Variants in DCAF17 observed in about 807,000 individuals in gnomAD.
DCAF17 encodes DDB1- and CUL4-associated factor 17.
In DCAF17, 48 loss-of-function variants were observed where a neutral mutation model predicts 66.0. The observed-to-expected ratio is 0.73, with a 90% confidence interval of 0.58 to 0.92. The LOEUF is 0.92. Among genes scored for constraint, DCAF17 ranks in the 40% least tolerant of loss-of-function variants. The pLI, the probability that DCAF17 is intolerant of heterozygous loss-of-function variation, is 0.00. For missense variants in DCAF17, 562 were observed against 622.8 expected (o/e 0.90, Z 1.04); for synonymous variants, 206 against 214.6 (o/e 0.96, Z 0.35).
At chr2:171,459,452 A>G (rs1695452081) in intron 8 of DCAF17, among the ~76,000 whole-genome samples, 1 of 152,262 alleles carries the variant, frequency 6.6e-6, no homozygotes, top group African/African-American at 2.4e-5. Context: ...TAAAGATCAC[A>G]TGAGTAAACT....
At position 171,473,947 on chromosome 2, in the gene DCAF17, A is replaced by C; in HGVS notation, c.1063A>C (p.Ile355Leu). 2 of 1,613,732 alleles carry C rather than the reference A, an allele frequency of 1.2e-6. No individual in the cohort carries two copies. Among genetic ancestry groups the C allele is most frequent in the Non-Finnish European group, 1.7e-6 (2 of 1,179,786 alleles). Residue 355 changes from isoleucine to leucine, a missense_variant, in exon 10 of 14, where the codon ATA becomes CTA. This residue lies in a region of DCAF17 where 201 missense variants were observed against 231.1 expected (regional missense o/e 0.87). Transcript: ENST00000375255. Reference sequence around the variant, plus strand: ...TTTCCATCCTGATGCTTCTGGTAGAATAATACATGTTGGTCCAAATCAAGT... The same window carrying C: ...TTTCCATCCTGATGCTTCTGGTAGACTAATACATGTTGGTCCAAATCAAGT... ...IYFHPDASGR[I>L]IHVGPNQVKV...
At chr2:171,443,482 G>C (rs768613603) in intron 2 of DCAF17, 41 bp from the exon 3 acceptor site, 1 of 1,537,500 alleles carries the variant, frequency 6.5e-7, no homozygotes, top group East Asian at 2.3e-5. Context: ...TACTGTCTTG[G>C]TTATCAAGAA....
At chr2:171,444,320 G>A (rs1263954601) in intron 3 of DCAF17, among the ~76,000 whole-genome samples, 1 of 152,118 alleles carries the variant, frequency 6.6e-6, no homozygotes, top group Non-Finnish European at 1.5e-5. Flanking sequence ...CTAAGTACAG[G>A]TTGAGCATCC....
intron 5 of DCAF17, among the ~76,000 whole-genome samples, chr2:171,452,000 A>G (rs1345711034): frequency 6.6e-6 from 1 of 152,164 alleles, no homozygotes; most frequent in Admixed American, 6.5e-5. Flanking sequence ...AGTAGCTCTT[A>G]GTTGGGGTAT....
chr2:171,447,649 A>G (rs887422935), intron 3 of DCAF17: 10 of 157,468 alleles, frequency 6.4e-5, no homozygotes, highest in African/African-American at 2.4e-4. Flanking sequence ...GGCGTGAGCC[A>G]CCGCACCTAG....
At chr2:171,462,506 T>A (rs1278825415) in intron 8 of DCAF17, among the ~76,000 whole-genome samples, 1 of 152,194 alleles carries the variant, frequency 6.6e-6, no homozygotes, top group Non-Finnish European at 1.5e-5. Flanking sequence ...TTAAAATTAT[T>A]ATAAGATAAC....
chr2:171,471,739 G>T (rs1696252127), intron 9 of DCAF17, among the ~76,000 whole-genome samples: 1 of 152,150 alleles, frequency 6.6e-6, no homozygotes, highest in Non-Finnish European at 1.5e-5. Context: ...ATGAGGCCAG[G>T]CACAGTGGCT....
intron 2 of DCAF17, among the ~76,000 whole-genome samples, chr2:171,437,486 A>G (rs970018378): frequency 2.0e-5 from 3 of 152,180 alleles, no homozygotes; most frequent in African/African-American, 7.2e-5. Context: ...TGTCTTGATC[A>G]CTGCTGCTGT....
Position 171,435,201 on chromosome 2 carries a change from A to C in DCAF17, c.230+15A>C. 1 of 1,585,330 alleles carries C rather than the reference A, an allele frequency of 6.3e-7. No homozygotes were observed. On this transcript the variant is annotated intron_variant, in intron 2 of 13. Coordinates refer to ENST00000375255, the MANE Select transcript of DCAF17 (RefSeq NM_025000.4). ...TGTGTCAGCAGGTAACTTTTTATTGATAATTTTGCTGTAATTCACCTCACT... is the reference window on the plus strand; with the variant it reads ...TGTGTCAGCAGGTAACTTTTTATTGCTAATTTTGCTGTAATTCACCTCACT...
chr2:171,482,668 AT>A lies in DCAF17; in HGVS notation c.*1565del, dbSNP rs560178345. ...TCTTAAGACTTCAGTCATGTCAGAG[AT>A]TTTTTTTTTTAGGTGATTATTGAGT... On this transcript the variant is annotated 3_prime_UTR_variant, in exon 14 of 14. Transcript: ENST00000375255. The A allele has an allele frequency of 0.023, 6,390 of 277,628 alleles. 10 individuals carry two copies. The highest frequency in any genetic ancestry group is 0.042 in the South Asian group (1,265 of 30,330). The allele number at this position is 277,628 out of a possible 1,614,324, so 17.2% of individuals were successfully genotyped here.
intron 6 of DCAF17, 38 bp downstream of exon 6, chr2:171,453,251 T>G: frequency 7.1e-7 from 1 of 1,411,256 alleles, no homozygotes; most frequent in South Asian, 1.2e-5. Flanking sequence ...AATATTTTAT[T>G]GACAATAAGT....
rs184670633 is a variant in DCAF17, at chr2:171,434,838, C to G, written c.126+135C>G. 610 of 1,345,280 alleles carry G rather than the reference C, an allele frequency of 4.5e-4. 2 individuals are homozygous for G. In the East Asian group the frequency reaches 0.014, roughly 30 times the overall value. The allele number at this position is 1,345,280 out of a possible 1,614,324, so 83.3% of individuals were successfully genotyped here. On this transcript the variant is annotated intron_variant, in intron 1 of 13. Coordinates refer to ENST00000375255, the MANE Select transcript of DCAF17 (RefSeq NM_025000.4). Reference sequence around the variant, plus strand: ...TGTGATGGGGAGGAGGATACAAGCCCGGAATCTGGGATAGGTGGTAATAGG... The same window carrying G: ...TGTGATGGGGAGGAGGATACAAGCCGGGAATCTGGGATAGGTGGTAATAGG...
chr2:171,477,516 G>A (rs937425136), intron 11 of DCAF17, among the ~76,000 whole-genome samples: 9 of 151,990 alleles, frequency 5.9e-5, no homozygotes, highest in Admixed American at 2.6e-4. Flanking sequence ...TTTTTGAGCC[G>A]GGCATGGTGG....
intron 8 of DCAF17, among the ~76,000 whole-genome samples, chr2:171,463,985 T>C (rs532070538): frequency 6.6e-6 from 1 of 152,324 alleles, no homozygotes; most frequent in East Asian, 1.9e-4. Context: ...ATAAACACAA[T>C]AGACTTGTGG....
intron 8 of DCAF17, among the ~76,000 whole-genome samples, chr2:171,465,463 C>T (rs1695845645): frequency 1.3e-5 from 2 of 151,862 alleles, no homozygotes; most frequent in African/African-American, 2.4e-5. Flanking sequence ...AGGTTGAAAC[C>T]GAATAAAAAG....
chr2:171,448,674 T>G lies in DCAF17; in HGVS notation c.322-7T>G, dbSNP rs2105750441. 2.6e-6 allele frequency: 4 copies of G among 1,558,442 alleles called. No individual in the cohort carries two copies. The highest frequency in any genetic ancestry group is 2.6e-6 in the Non-Finnish European group (3 of 1,156,050). On this transcript the variant is annotated splice_polypyrimidine_tract_variant and splice_region_variant and intron_variant, in intron 3 of 13. Transcript: ENST00000375255. The stretch of plus-strand genomic sequence containing the variant: ...TTTCATTTTTATATCTCTCTTTTTT[T>G]TTTTAGGGAGATATACTTCCCAATT...
chr2:171,476,088 T>C (rs1173045651), intron 10 of DCAF17, among the ~76,000 whole-genome samples: 1 of 152,096 alleles, frequency 6.6e-6, no homozygotes, highest in Non-Finnish European at 1.5e-5. Flanking sequence ...GATCTCTTGG[T>C]CTTTGGGAAC....
chr2:171,468,993 G>A lies in DCAF17; in HGVS notation c.944G>A (p.Gly315Glu). The A allele has an allele frequency of 6.2e-7, 1 of 1,614,062 alleles. No homozygotes were observed. The highest frequency in any genetic ancestry group is 8.5e-7 in the Non-Finnish European group (1 of 1,179,980). ...ACACCTAATAAGAAGAAACAGAAAG[G>A]AGTTTTCCATATTTGTGCCCTAAAA... Reference protein sequence around the residue: ...IVTPNKKKQKGVFHICALKDN... With the variant: ...IVTPNKKKQKEVFHICALKDN... Residue 315 changes from glycine to glutamate, a missense_variant, in exon 9 of 14, where the codon GGA becomes GAA. By Grantham distance (98) the Gly-to-Glu change is moderately conservative. This residue lies in a region of DCAF17 where 13 missense variants were observed against 35.7 expected (regional missense o/e 0.36). Transcript: ENST00000375255.
At chr2:171,444,392 G>T (rs988997514) in intron 3 of DCAF17, among the ~76,000 whole-genome samples, 1 of 152,134 alleles carries the variant, frequency 6.6e-6, no homozygotes, top group African/African-American at 2.4e-5. Flanking sequence ...ATGCCGACAT[G>T]ACGCCACAAG....
Sources: allele counts gnomAD v4.1 joint callset (sites outside exome capture counted in the v4.1 genomes callset), GRCh38; gene constraint gnomAD v4.1.1; regional missense constraint gnomAD v4.1.1; transcripts MANE v1.5; gene names NCBI Gene and HGNC (gene_info 2026-07-23, HGNC 2026-07-21).